SLC24A2: variants seen among roughly 807,000 people sequenced by gnomAD.
The protein encoded by SLC24A2 is sodium/potassium/calcium exchanger 2.
SLC24A2 carries 36 observed loss-of-function variants against 62.0 expected under a neutral mutation model. The observed-to-expected ratio is 0.58, with a 90% confidence interval of 0.44 to 0.77. The LOEUF is 0.77. Ranked by LOEUF, SLC24A2 falls within the 30% of genes least tolerant of loss-of-function variation. The pLI is 0.00. For missense variants in SLC24A2, 846 were observed against 817.9 expected (o/e 1.03, Z -0.42); for synonymous variants, 358 against 294.0 (o/e 1.22, Z -2.23).
chr9:19,826,304 G>T, the SLC24A2 span, among the ~76,000 whole-genome samples: 4 of 152,028 alleles, frequency 2.6e-5, no homozygotes, highest in Non-Finnish European at 5.9e-5. Context: ...ATTAGCATAG[G>T]TTAAGAAATA....
At chr9:20,138,908 C>T in the SLC24A2 span, among the ~76,000 whole-genome samples, 1 of 152,176 alleles carries the variant, frequency 6.6e-6, no homozygotes, top group Non-Finnish European at 1.5e-5. Context: ...AATTCAAAGT[C>T]TCTGCCTTTC....
chr9:19,558,189 T>A (rs10964203), intron 7 of SLC24A2, among the ~76,000 whole-genome samples: 1 of 152,010 alleles, frequency 6.6e-6, no homozygotes, highest in South Asian at 2.1e-4. Context: ...CACGGCAGCA[T>A]TGAAAGTGAA....
At chr9:19,866,668 G>T in the SLC24A2 span, among the ~76,000 whole-genome samples, 12 of 110,744 alleles carry the variant, frequency 1.1e-4, no homozygotes, top group Non-Finnish European at 1.8e-4. Flanking sequence ...ACGGAGTCTC[G>T]CTCTATCGCC....
the SLC24A2 span, among the ~76,000 whole-genome samples, chr9:19,878,958 C>G: frequency 0.097 from 14,793 of 152,094 alleles, 1,183 homozygotes; most frequent in African/African-American, 0.23. Context: ...GAAGACAACA[C>G]TCCATAATTC....
chr9:19,778,502 G>T (rs945355438), intron 2 of SLC24A2, among the ~76,000 whole-genome samples: 1 of 152,162 alleles, frequency 6.6e-6, no homozygotes. Flanking sequence ...GGTAGGATGT[G>T]TCTATTTGAG....
At chr9:19,629,646 T>C (rs1031003542) in intron 2 of SLC24A2, among the ~76,000 whole-genome samples, 2 of 152,192 alleles carry the variant, frequency 1.3e-5, no homozygotes, top group African/African-American at 4.8e-5. Flanking sequence ...AAGGAGTTGA[T>C]AGCTCAGCAG....
intron 8 of SLC24A2, among the ~76,000 whole-genome samples, chr9:19,530,675 C>A (rs945972323): frequency 2.0e-5 from 3 of 152,122 alleles, no homozygotes; most frequent in Non-Finnish European, 4.4e-5. Context: ...TAGGGAAAAC[C>A]TCTCTAAATC....
the SLC24A2 span, among the ~76,000 whole-genome samples, chr9:20,139,825 T>C: frequency 6.6e-5 from 10 of 152,246 alleles, no homozygotes; most frequent in African/African-American, 2.4e-4. Flanking sequence ...ACCATTAAAT[T>C]AAAAAGCACT....
intron 2 of SLC24A2, among the ~76,000 whole-genome samples, chr9:19,740,927 C>A (rs931204288): frequency 3.3e-5 from 5 of 151,440 alleles, no homozygotes; most frequent in Admixed American, 2.0e-4. Context: ...ACAGCCTCAT[C>A]ATGGTTTTTA....
intron 2 of SLC24A2, among the ~76,000 whole-genome samples, chr9:19,673,918 G>T (rs1471548801): frequency 3.3e-5 from 5 of 152,246 alleles, no homozygotes; most frequent in African/African-American, 1.2e-4. Flanking sequence ...TTTGATGCCT[G>T]AATATCTTGT....
the SLC24A2 span, among the ~76,000 whole-genome samples, chr9:20,085,869 G>A: frequency 6.6e-6 from 1 of 152,044 alleles, no homozygotes; most frequent in Non-Finnish European, 1.5e-5. Flanking sequence ...TTTTAAACCT[G>A]TGTTTTTACT....
At chr9:20,282,162 T>A in the SLC24A2 span, among the ~76,000 whole-genome samples, 1 of 152,072 alleles carries the variant, frequency 6.6e-6, no homozygotes, top group Non-Finnish European at 1.5e-5. Context: ...GGAAAACAAA[T>A]AAGACCAGAG....
intron 2 of SLC24A2, among the ~76,000 whole-genome samples, chr9:19,676,497 G>A (rs897192440): frequency 4.6e-5 from 7 of 152,218 alleles, no homozygotes; most frequent in Non-Finnish European, 8.8e-5. Context: ...CTGACTGTGT[G>A]CCTTTGTTTC....
At chr9:20,042,834 G>A in the SLC24A2 span, among the ~76,000 whole-genome samples, 2 of 152,064 alleles carry the variant, frequency 1.3e-5, no homozygotes, top group East Asian at 1.9e-4. Flanking sequence ...ATCTGTTGTG[G>A]TGGTCTGTGA....
chr9:20,262,911 A>G, the SLC24A2 span, among the ~76,000 whole-genome samples: 1 of 152,086 alleles, frequency 6.6e-6, no homozygotes, highest in Non-Finnish European at 1.5e-5. Context: ...CCTAACCTTG[A>G]GAACAGGAAC....
chr9:19,831,089 A>T, the SLC24A2 span, among the ~76,000 whole-genome samples: 1 of 152,214 alleles, frequency 6.6e-6, no homozygotes, highest in Admixed American at 6.5e-5. Flanking sequence ...TTATAAGGGT[A>T]CTAATCCCAT....
the SLC24A2 span, among the ~76,000 whole-genome samples, chr9:20,108,070 T>G: frequency 6.6e-6 from 1 of 152,170 alleles, no homozygotes; most frequent in Non-Finnish European, 1.5e-5. Flanking sequence ...AAAGAAGACA[T>G]TTATACAGCC....
At chr9:19,846,521 A>G in the SLC24A2 span, among the ~76,000 whole-genome samples, 4 of 152,120 alleles carry the variant, frequency 2.6e-5, no homozygotes, top group Admixed American at 2.6e-4. Context: ...CAGCAGATGA[A>G]TGGGTCTTAT....
At chr9:20,118,805 G>A in the SLC24A2 span, among the ~76,000 whole-genome samples, 1 of 152,124 alleles carries the variant, frequency 6.6e-6, no homozygotes, top group African/African-American at 2.4e-5. Flanking sequence ...GTATAGGGTA[G>A]TCTTGCCTCC....
Sources: allele counts gnomAD v4.1 joint callset (sites outside exome capture counted in the v4.1 genomes callset), GRCh38; gene constraint gnomAD v4.1.1; transcripts MANE v1.5; gene names NCBI Gene and HGNC (gene_info 2026-07-23, HGNC 2026-07-21).